Variants in ATAD2B observed in about 807,000 individuals in gnomAD.
ATAD2B encodes ATPase family AAA domain containing 2B, also known as ATPase family AAA domain-containing protein 2B.
A neutral mutation model predicts 167.6 loss-of-function variants in ATAD2B; 40 were observed. The observed-to-expected ratio is 0.24, with a 90% confidence interval of 0.19 to 0.31. ATAD2B has a LOEUF of 0.31. ATAD2B is among the 10% of genes least tolerant of loss of function. The pLI is 1.00. For missense variants in ATAD2B, 1,242 were observed against 1,757.2 expected (o/e 0.71, Z 5.24); for synonymous variants, 579 against 596.5 (o/e 0.97, Z 0.43).
intron 22 of ATAD2B, among the ~76,000 whole-genome samples, chr2:23,768,052 A>G (rs1386614238): frequency 6.6e-6 from 1 of 152,232 alleles, no homozygotes; most frequent in South Asian, 2.1e-4. Context: ...TATGTGTCTC[A>G]ACAATTCTCT....
intron 24 of ATAD2B, among the ~76,000 whole-genome samples, chr2:23,761,475 T>A (rs1676731848): frequency 6.6e-6 from 1 of 152,064 alleles, no homozygotes; most frequent in Non-Finnish European, 1.5e-5. Flanking sequence ...ATGCAAATAT[T>A]CCAAAATCCA....
intron 1 of ATAD2B, among the ~76,000 whole-genome samples, chr2:23,903,192 C>T (rs1573360393): frequency 2.6e-5 from 4 of 151,886 alleles, no homozygotes; most frequent in African/African-American, 4.8e-5. Flanking sequence ...GCCATAATCA[C>T]GTCACTGCAC....
intron 10 of ATAD2B, among the ~76,000 whole-genome samples, chr2:23,866,331 G>A (rs991096198): frequency 2.6e-5 from 4 of 152,200 alleles, no homozygotes; most frequent in Admixed American, 6.5e-5. Flanking sequence ...CTTGAACCCG[G>A]GAGGCGGAGG....
intron 3 of ATAD2B, 87 bp downstream of exon 3, chr2:23,888,263 T>TA: frequency 1.1e-5 from 10 of 939,170 alleles, no homozygotes; most frequent in Non-Finnish European, 1.2e-5. Context: ...AGCACACTAT[T>TA]AAATCACTCT....
the ATAD2B span, among the ~76,000 whole-genome samples, chr2:23,726,259 C>T: frequency 2.0e-5 from 3 of 152,282 alleles, no homozygotes; most frequent in South Asian, 6.2e-4. Context: ...TTTAAGGGTG[C>T]TGACTCCTGT....
At chr2:23,795,097 G>C in intron 19 of ATAD2B, among the ~76,000 whole-genome samples, 1 of 152,012 alleles carries the variant, frequency 6.6e-6, no homozygotes, top group South Asian at 2.1e-4. Context: ...CTTCCTCTGT[G>C]AATAATGAGG....
the ATAD2B span, among the ~76,000 whole-genome samples, chr2:23,685,980 G>T: frequency 6.6e-6 from 1 of 152,258 alleles, no homozygotes; most frequent in African/African-American, 2.4e-5. Context: ...GGTGAGAGGA[G>T]CACAGGGCCC....
intron 13 of ATAD2B, among the ~76,000 whole-genome samples, chr2:23,835,584 T>C (rs981277397): frequency 1.3e-5 from 2 of 152,230 alleles, no homozygotes. Context: ...ACATTGACTG[T>C]AGTGATGGTT....
chr2:23,688,008 C>T, the ATAD2B span, among the ~76,000 whole-genome samples: 81 of 152,256 alleles, frequency 5.3e-4, 2 homozygotes, highest in South Asian at 6.0e-3. Context: ...AGAAGGGTCC[C>T]GGCAAAGTCC....
At chr2:23,925,392 G>A (rs1200820768) in intron 1 of ATAD2B, among the ~76,000 whole-genome samples, 1 of 152,194 alleles carries the variant, frequency 6.6e-6, no homozygotes, top group Non-Finnish European at 1.5e-5. Flanking sequence ...TTCTGTTAGT[G>A]TCAAAACAGT....
intron 8 of ATAD2B, among the ~76,000 whole-genome samples, chr2:23,874,300 C>T (rs77159280): frequency 0.05 from 7,578 of 152,102 alleles, 251 homozygotes; most frequent in Non-Finnish European, 0.073. Context: ...ACAGCTAAAA[C>T]TATAAACTAT....
At chr2:23,913,373 C>T (rs1288101317) in intron 1 of ATAD2B, among the ~76,000 whole-genome samples, 1 of 152,214 alleles carries the variant, frequency 6.6e-6, no homozygotes, top group South Asian at 2.1e-4. Context: ...CAGTGGCTCA[C>T]TCACGCCTGT....
intron 22 of ATAD2B, among the ~76,000 whole-genome samples, chr2:23,780,391 T>C (rs897082207): frequency 7.2e-5 from 11 of 151,950 alleles, no homozygotes; most frequent in East Asian, 1.9e-4. Context: ...AACTGTTACA[T>C]AGGAAGTCCA....
chr2:23,732,227 A>G, the ATAD2B span, among the ~76,000 whole-genome samples: 1 of 152,194 alleles, frequency 6.6e-6, no homozygotes, highest in Admixed American at 6.5e-5. Flanking sequence ...TGGGAAATTC[A>G]ATAGATCAAA....
the ATAD2B span, among the ~76,000 whole-genome samples, chr2:23,684,992 G>T: frequency 2.0e-5 from 3 of 152,328 alleles, no homozygotes; most frequent in South Asian, 6.2e-4. This position sits in a 1 kb window ranked among gnomAD's most constrained non-coding sequence, Gnocchi z 4.4. Flanking sequence ...CATCGGCCAG[G>T]CTGTCCCTGC....
downstream of ATAD2B, among the ~76,000 whole-genome samples, chr2:23,746,022 C>A (rs1489739455): frequency 6.6e-6 from 1 of 152,238 alleles, no homozygotes; most frequent in African/African-American, 2.4e-5. Flanking sequence ...TCAGCCTATG[C>A]TTCTGTTGTT....
intron 6 of ATAD2B, among the ~76,000 whole-genome samples, chr2:23,881,360 C>CTTTTTTTTTTTTTTTTTTTTTTTT (rs11361642): frequency 1.2e-5 from 1 of 80,210 alleles, no homozygotes; most frequent in Non-Finnish European, 2.3e-5. Flanking sequence ...GTGATCAATT[C>CTTTTTTTTTTTTTTTTTTTTTTTT]TTTTTTTTTT....
At chr2:23,745,417 G>GAAGGA (rs1674806183), downstream of ATAD2B, among the ~76,000 whole-genome samples, 2 of 113,336 alleles carry the variant, frequency 1.8e-5, no homozygotes, top group Non-Finnish European at 3.8e-5. Flanking sequence ...AGGAAGGAAG[G>GAAGGA]AAGGAAAGGG....
intron 19 of ATAD2B, among the ~76,000 whole-genome samples, chr2:23,791,542 G>A (rs531290133): frequency 9.5e-4 from 144 of 151,240 alleles, no homozygotes; most frequent in African/African-American, 3.3e-3. Context: ...TTAGTGGGTT[G>A]CAGTGGTATT....
Sources: gnomAD v4.1 joint callset for allele counts (sites outside exome capture counted in the v4.1 genomes callset) on GRCh38, gnomAD v4.1.1 for gene constraint, Gnocchi (gnomAD v3.1) non-coding constraint, MANE v1.5 for transcripts, NCBI Gene and HGNC (gene_info 2026-07-23, HGNC 2026-07-21) for gene names.